The following SGCB variants were observed in gnomAD, a reference collection of about 807,000 sequenced individuals.
The protein encoded by SGCB is sarcoglycan beta, also known as beta-sarcoglycan.
A neutral mutation model predicts 27.3 loss-of-function variants in SGCB; 25 were observed. That is an observed-to-expected ratio of 0.92 (90% confidence interval 0.67 to 1.28). The LOEUF (loss-of-function observed/expected upper bound fraction) is 1.28, where lower values mean the gene tolerates loss of function less well. SGCB is among the 50% of genes most tolerant of loss of function. The pLI is 0.00. For synonymous variants in SGCB, 147 were observed against 133.5 expected, an observed-to-expected ratio of 1.10 and a Z score of -0.70; for missense variants, 436 against 402.1, an observed-to-expected ratio of 1.08 and a Z score of -0.72.
In SGCB at chr4:52,038,271, C is replaced by A; in HGVS notation, c.-12G>T. On this transcript the variant is annotated 5_prime_UTR_variant, in exon 1 of 6. Coordinates refer to ENST00000381431, the MANE Select transcript of SGCB (RefSeq NM_000232.5). ...GCCGCTGCCGCCATCTTCCCGCGCC[C>A]GCCGCCGCCGAGCTCCCCGCCCGAC... The A allele has an allele frequency of 1.5e-6, 2 of 1,290,820 alleles. No individual in the cohort carries two copies. The highest frequency in any genetic ancestry group is 2.0e-6 in the Non-Finnish European group (2 of 1,017,006). 80.0% of individuals were successfully genotyped at this position (1,290,820 alleles called of 1,614,324 possible).
At chr4:52,024,209 A>C (rs777072815) in intron 5 of SGCB, 49 bp from the exon 6 acceptor site, 3 of 1,445,496 alleles carry the variant, frequency 2.1e-6, no homozygotes, top group Non-Finnish European at 2.9e-6. Flanking sequence ...GAGGGGGTAC[A>C]GAACAAAGTC....
At chr4:52,027,069 A>G (rs979820072) in intron 5 of SGCB, among the ~76,000 whole-genome samples, 13 of 152,242 alleles carry the variant, frequency 8.5e-5, no homozygotes, top group African/African-American at 2.7e-4. Flanking sequence ...AAAGTAAAAC[A>G]ACTACTTTTA....
At chr4:52,038,110 A>G (rs1368555172) in intron 1 of SGCB, 117 bp downstream of exon 1, 2 of 602,666 alleles carry the variant, frequency 3.3e-6, no homozygotes, top group Admixed American at 6.5e-5. Flanking sequence ...GCCCCGCCGA[A>G]CCCAGACCCT....
intron 5 of SGCB, among the ~76,000 whole-genome samples, chr4:52,025,360 TCA>T (rs3831506): frequency 0.58 from 87,596 of 151,846 alleles, 28,217 homozygotes; most frequent in Middle Eastern, 0.78. Flanking sequence ...TTTGATAAGG[TCA>T]CACATTCCAA....
At chr4:52,030,655 G>C (rs1440960827) in intron 2 of SGCB, among the ~76,000 whole-genome samples, 1 of 151,976 alleles carries the variant, frequency 6.6e-6, no homozygotes, top group Non-Finnish European at 1.5e-5. Flanking sequence ...TATCTTTCTG[G>C]TTTGGTCTGC....
chr4:52,023,687 A>G lies in SGCB; in HGVS notation c.*270T>C. 5.0e-6 allele frequency: 2 copies of G among 403,686 alleles called. No individual in the cohort carries two copies. The highest frequency in any genetic ancestry group is 5.1e-5 in the South Asian group (2 of 38,998). The allele number at this position is 403,686 out of a possible 1,614,324, so 25.0% of individuals were successfully genotyped here. ...TAGAAAAGGGATAGTGGAATTTTAA[A>G]AACACGTCTTTAAACATGACTTTTG... is the stretch of plus-strand genomic sequence containing the variant. On this transcript the variant is annotated 3_prime_UTR_variant, in exon 6 of 6. Coordinates refer to ENST00000381431, the MANE Select transcript of SGCB (RefSeq NM_000232.5).
In SGCB at chr4:52,038,297, T is replaced by C. The variant is rs1205561728; in HGVS notation, c.-38A>G. Reference sequence around the variant, plus strand: ...GCCGCCGCCGAGCTCCCCGCCCGACTGTGCCCGCCCCTCCGCGACCGCACC... The same window carrying C: ...GCCGCCGCCGAGCTCCCCGCCCGACCGTGCCCGCCCCTCCGCGACCGCACC... On this transcript the variant is annotated 5_prime_UTR_variant, in exon 1 of 6. Transcript: ENST00000381431. The C allele has an allele frequency of 1.6e-6, 2 of 1,262,414 alleles. No individual in the cohort carries two copies. The highest frequency in any genetic ancestry group is 2.0e-6 in the Non-Finnish European group (2 of 1,006,208). 78.2% of individuals were successfully genotyped at this position (1,262,414 alleles called of 1,614,324 possible).
intron 5 of SGCB, among the ~76,000 whole-genome samples, chr4:52,025,152 G>GTTT (rs1737053954): frequency 6.6e-6 from 1 of 152,174 alleles, no homozygotes; most frequent in African/African-American, 2.4e-5. Flanking sequence ...ACAGCAGTAA[G>GTTT]TAAAACAGGC....
In SGCB at chr4:52,030,690, C is replaced by T. The variant is rs537318011; in HGVS notation, c.244-827G>A. On this transcript the variant is annotated intron_variant, in intron 2 of 5. Transcript: ENST00000381431. The stretch of plus-strand genomic sequence containing the variant: ...CGTGGGCTGGACTGGTCTGTATGGG[C>T]CCCCTGCACAGCTGTAATCATAAAC... Among the ~76,000 whole-genome samples the T allele has an allele frequency of 3.9e-5, 6 of 152,242 alleles. No individual in the cohort carries two copies. The East Asian group carries it at 9.6e-4, about 24-fold the overall frequency.
chr4:52,025,385 G>A (rs1737062441), intron 5 of SGCB, among the ~76,000 whole-genome samples: 1 of 152,166 alleles, frequency 6.6e-6, no homozygotes, highest in African/African-American at 2.4e-5. Context: ...GAAACTAGAG[G>A]AAGTGAGGGA....
chr4:52,037,869 A>G (rs1341243460), intron 1 of SGCB, among the ~76,000 whole-genome samples: 1 of 152,170 alleles, frequency 6.6e-6, no homozygotes, highest in Non-Finnish European at 1.5e-5. Flanking sequence ...GGTTATTTTT[A>G]TCCAAATCTC....
intron 5 of SGCB, 95 bp from the exon 6 acceptor site, chr4:52,024,255 G>C: frequency 1.1e-6 from 1 of 927,592 alleles, no homozygotes; most frequent in Non-Finnish European, 1.7e-6. Context: ...AATGAGAAAA[G>C]CAAGCAGTAA....
At chr4:52,024,299 C>A in intron 5 of SGCB, 139 bp from the exon 6 acceptor site, 1 of 676,172 alleles carries the variant, frequency 1.5e-6, no homozygotes, top group Non-Finnish European at 2.6e-6. Flanking sequence ...ACAACAACAG[C>A]AACAATAAAA....
rs569298813 is a variant in SGCB, at chr4:52,033,747, A to T, written c.34-107T>A. 6.0e-6 allele frequency: 5 copies of T among 832,648 alleles called. No homozygotes were observed. In the Admixed American group the frequency reaches 9.1e-5, roughly 15 times the overall value. The allele number at this position is 832,648 out of a possible 1,614,324, so 51.6% of individuals were successfully genotyped here. ...ATAGCAAGCTGAATTGGTTACTGAC[A>T]CATTTTCCATGAATAAACTGCAAAT... is the stretch of plus-strand genomic sequence containing the variant. On this transcript the variant is annotated intron_variant, in intron 1 of 5. Coordinates refer to ENST00000381431, the MANE Select transcript of SGCB (RefSeq NM_000232.5).
chr4:52,031,773 C>G, intron 2 of SGCB: 1 of 380,394 alleles, frequency 2.6e-6, no homozygotes, highest in East Asian at 7.3e-5. Context: ...GCTCAGTATT[C>G]ATACTTAGTG....
intron 5 of SGCB, 32 bp from the exon 6 acceptor site, chr4:52,024,192 C>T (rs1372958912): frequency 6.5e-7 from 1 of 1,543,074 alleles, no homozygotes; most frequent in African/African-American, 1.4e-5. Context: ...GATTTATTTA[C>T]CTCCATGAGG....
chr4:52,038,088 C>CCCCCCCCCAA, intron 1 of SGCB, 139 bp downstream of exon 1: 5 of 229,566 alleles, frequency 2.2e-5, no homozygotes, highest in Non-Finnish European at 3.6e-5. Context: ...CCGCCCCGCC[C>CCCCCCCCCAA]CGCCCCGATC....
chr4:52,035,221 A>G (rs931988596), intron 1 of SGCB, among the ~76,000 whole-genome samples: 1 of 152,258 alleles, frequency 6.6e-6, no homozygotes, highest in African/African-American at 2.4e-5. Flanking sequence ...ACGCTTAAAC[A>G]CTAATTCCAT....
intron 5 of SGCB, among the ~76,000 whole-genome samples, chr4:52,025,796 A>G (rs895471237): frequency 3.3e-5 from 5 of 152,178 alleles, no homozygotes; most frequent in African/African-American, 1.2e-4. Context: ...CAGGGTGGTG[A>G]TGGCCGAGGT....
Sources: gnomAD v4.1 joint callset for allele counts (sites outside exome capture counted in the v4.1 genomes callset) on GRCh38, gnomAD v4.1.1 for gene constraint, MANE v1.5 for transcripts, NCBI Gene and HGNC (gene_info 2026-07-23, HGNC 2026-07-21) for gene names.